Variants in COP1 observed in about 807,000 individuals in gnomAD.
The protein encoded by COP1 is E3 ubiquitin-protein ligase COP1.
COP1 carries 24 observed loss-of-function variants against 101.3 expected under a neutral mutation model. The ratio of observed to expected loss-of-function variants is 0.24; its 90% CI spans 0.17 to 0.33. COP1 has a LOEUF of 0.33. Among genes scored for constraint, COP1 ranks in the 10% least tolerant of loss-of-function variants. The probability of loss-of-function intolerance (pLI) is 1.00; values close to 1 mark genes in which losing one functional copy is unlikely to be tolerated. For synonymous variants in COP1, 347 were observed against 341.9 expected (o/e 1.01, Z -0.17); for missense variants, 663 against 906.2 (o/e 0.73, Z 3.45).
At chr1:176,003,784 T>C (rs1291381476) in intron 15 of COP1, among the ~76,000 whole-genome samples, 18 of 151,050 alleles carry the variant, frequency 1.2e-4, no homozygotes, top group Admixed American at 1.2e-3. Flanking sequence ...TCAGGTAGTG[T>C]GATGCCTCCA....
intron 3 of COP1, among the ~76,000 whole-genome samples, chr1:176,166,063 T>G (rs1236081224): frequency 6.6e-6 from 1 of 152,210 alleles, no homozygotes; most frequent in African/African-American, 2.4e-5. Context: ...AACAATACTG[T>G]AAGATCAAAC....
At chr1:176,009,432 C>T (rs6682194) in intron 15 of COP1, among the ~76,000 whole-genome samples, 41,711 of 152,072 alleles carry the variant, frequency 0.27, 6,683 homozygotes, top group East Asian at 0.49. Context: ...AACGTATTCT[C>T]ATGTTAATAC....
chr1:176,016,732 C>CT (rs79018789), intron 15 of COP1, among the ~76,000 whole-genome samples: 80 of 150,812 alleles, frequency 5.3e-4, no homozygotes, highest in South Asian at 1.1e-3. Flanking sequence ...ATGAATGACT[C>CT]TTTTTTTAAA....
chr1:176,051,779 T>C (rs1456109311), intron 11 of COP1, among the ~76,000 whole-genome samples: 1 of 152,102 alleles, frequency 6.6e-6, no homozygotes, highest in Admixed American at 6.5e-5. Flanking sequence ...CATGTGTTTG[T>C]GTCTCAGATT....
intron 18 of COP1, among the ~76,000 whole-genome samples, chr1:175,963,353 T>C (rs1651617360): frequency 6.6e-6 from 1 of 152,168 alleles, no homozygotes; most frequent in African/African-American, 2.4e-5. Context: ...GACACTTTAT[T>C]AGAAGTTTCT....
chr1:176,007,030 T>G (rs1156533412), intron 15 of COP1, among the ~76,000 whole-genome samples: 1 of 152,182 alleles, frequency 6.6e-6, no homozygotes, highest in African/African-American at 2.4e-5. Context: ...CCGTATTTCT[T>G]GGAGGCTTTG....
chr1:176,136,144 G>A (rs1328977980), intron 7 of COP1, among the ~76,000 whole-genome samples: 1 of 151,924 alleles, frequency 6.6e-6, no homozygotes, highest in Admixed American at 6.6e-5. Context: ...GAAATGCACA[G>A]AGTAGGTATG....
chr1:176,088,009 A>G (rs1344071360), intron 9 of COP1, among the ~76,000 whole-genome samples: 1 of 152,190 alleles, frequency 6.6e-6, no homozygotes, highest in Admixed American at 6.5e-5. Flanking sequence ...GCAGGATAGA[A>G]AACCAAACAC....
intron 15 of COP1, among the ~76,000 whole-genome samples, chr1:176,011,867 C>A (rs1664733417): frequency 6.6e-6 from 1 of 152,146 alleles, no homozygotes; most frequent in African/African-American, 2.4e-5. Flanking sequence ...TGTACACAAA[C>A]CTACTGCATT....
intron 12 of COP1, among the ~76,000 whole-genome samples, 187 bp from the exon 13 acceptor site, chr1:176,044,005 A>T (rs755118710): frequency 7.2e-4 from 110 of 152,360 alleles, no homozygotes; most frequent in Non-Finnish European, 1.3e-3. Context: ...AAAAATAAAA[A>T]TTAACAAGTA....
chr1:175,998,451 T>TA (rs1660820468), intron 15 of COP1, among the ~76,000 whole-genome samples: 1 of 142,516 alleles, frequency 7.0e-6, no homozygotes, highest in Non-Finnish European at 1.5e-5. Flanking sequence ...CCCTAAAACT[T>TA]AAAGTATAAT....
chr1:176,119,155 T>C (rs1036225732), intron 8 of COP1, among the ~76,000 whole-genome samples: 2 of 152,214 alleles, frequency 1.3e-5, no homozygotes, highest in South Asian at 2.1e-4. Context: ...CAAGATTGCA[T>C]GCTATTTTCA....
chr1:176,053,304 A>G (rs1157703090), intron 11 of COP1, among the ~76,000 whole-genome samples: 1 of 152,088 alleles, frequency 6.6e-6, no homozygotes, highest in Non-Finnish European at 1.5e-5. Context: ...CTTACTATAC[A>G]TAGCTTCTTC....
chr1:176,066,564 T>C (rs1321672610), intron 11 of COP1, among the ~76,000 whole-genome samples: 1 of 152,124 alleles, frequency 6.6e-6, no homozygotes, highest in Non-Finnish European at 1.5e-5. Flanking sequence ...TCCTACAAAA[T>C]GTTTGTGTTA....
chr1:175,969,461 T>TA (rs1368611972), intron 18 of COP1, among the ~76,000 whole-genome samples: 5 of 152,188 alleles, frequency 3.3e-5, no homozygotes, highest in African/African-American at 1.2e-4. Context: ...AGGAATGCCC[T>TA]TATCTCTGGA....
At position 176,010,063 on chromosome 1, in the gene COP1, G is replaced by A. The variant is rs544204936; in HGVS notation, c.1729+17509C>T. Among the ~76,000 whole-genome samples the A allele has an allele frequency of 1.1e-4, 16 of 152,074 alleles. No individual in the cohort carries two copies. In the South Asian group the frequency reaches 2.5e-3, roughly 24 times the overall value. On this transcript the variant is annotated intron_variant, in intron 15 of 19. Coordinates refer to ENST00000367669, the MANE Select transcript of COP1 (RefSeq NM_022457.7). The stretch of plus-strand genomic sequence containing the variant: ...TATCCAGTCTGCAAAGAAGCTGAAA[G>A]AACAGCACAATGAATAACCTTGTAC...
intron 18 of COP1, among the ~76,000 whole-genome samples, chr1:175,966,329 C>T (rs569296497): frequency 2.6e-5 from 4 of 151,270 alleles, no homozygotes; most frequent in Admixed American, 1.3e-4. Flanking sequence ...ACTTAAAAAC[C>T]TGTTTCATTA....
intron 12 of COP1, 108 bp from the exon 13 acceptor site, chr1:176,043,926 A>G (rs1300040945): frequency 5.8e-6 from 4 of 692,708 alleles, no homozygotes; most frequent in Non-Finnish European, 1.0e-5. Context: ...AATGGTCTCT[A>G]TCAGTTCACA....
intron 15 of COP1, among the ~76,000 whole-genome samples, chr1:175,998,318 G>C (rs990858467): frequency 6.6e-6 from 1 of 151,324 alleles, no homozygotes; most frequent in Admixed American, 6.6e-5. Flanking sequence ...TTGTGGGGTG[G>C]GGGGAGAGGG....
Sources: allele counts gnomAD v4.1 joint callset (sites outside exome capture counted in the v4.1 genomes callset), GRCh38; gene constraint gnomAD v4.1.1; transcripts MANE v1.5; gene names NCBI Gene and HGNC (gene_info 2026-07-23, HGNC 2026-07-21).